Variants in SLC4A9 observed in about 807,000 individuals in gnomAD.
SLC4A9 encodes solute carrier family 4 member 9.
In SLC4A9, 102 loss-of-function variants were observed where a neutral mutation model predicts 103.2. That is an observed-to-expected ratio of 0.99 (90% CI 0.84 to 1.17). The LOEUF (loss-of-function observed/expected upper bound fraction) is 1.17, where lower values mean the gene tolerates loss of function less well. Ranked by LOEUF, SLC4A9 falls within the 50% of genes most tolerant of loss-of-function variation. The pLI is 0.00. For synonymous variants in SLC4A9, 453 were observed against 483.6 expected (o/e 0.94, Z 0.83); for missense variants, 1,091 against 1,193.7 (o/e 0.91, Z 1.27).
At chr5:140,367,397 G>A (rs1418500473) in intron 14 of SLC4A9, 23 bp from the exon 15 acceptor site, 1 of 1,608,258 alleles carries the variant, frequency 6.2e-7, no homozygotes, top group Non-Finnish European at 8.5e-7. Context: ...ACTCCAACCT[G>A]TCCATGAAAT....
intron 18 of SLC4A9, 47 bp from the exon 19 acceptor site, chr5:140,371,404 T>C (rs1413034482): frequency 6.2e-7 from 1 of 1,608,248 alleles, no homozygotes; most frequent in Non-Finnish European, 8.5e-7. Context: ...CACCCTCCTA[T>C]CAGGCTACCT....
In SLC4A9 at chr5:140,368,543, A is replaced by T. The variant is rs753391569; in HGVS notation, c.2355-44A>T. ...CCAGGATCTCCAGTCTGGATACCCC[A>T]GGGACTCTCCCAGACCTCAGCTAAC... On this transcript the variant is annotated intron_variant, in intron 16 of 21. Coordinates refer to ENST00000506757, the MANE Select transcript of SLC4A9 (RefSeq NM_031467.3). 3.2e-6 allele frequency: 5 copies of T among 1,569,088 alleles called. No homozygotes were observed. In the South Asian group the frequency reaches 4.5e-5, roughly 14 times the overall value.
chr5:140,363,117 G>A lies in SLC4A9; in HGVS notation c.962+51G>A. On this transcript the variant is annotated intron_variant, in intron 7 of 21. Transcript: ENST00000506757. The surrounding 1 kb of genome is among the most constrained non-coding windows in gnomAD (Gnocchi z 4.5). ...AGATTCCTGCCCATATAGGCCCTGG[G>A]TCTAATTCCATTGTTGAGGAGGGGT... 18 of 1,585,574 alleles carry A rather than the reference G, an allele frequency of 1.1e-5. No homozygotes were observed. The highest frequency in any genetic ancestry group is 1.5e-5 in the Non-Finnish European group (18 of 1,171,798).
intron 10 of SLC4A9, 84 bp from the exon 11 acceptor site, chr5:140,364,279 T>C: frequency 1.9e-6 from 3 of 1,592,096 alleles, no homozygotes; most frequent in Non-Finnish European, 2.6e-6. Context: ...GAGCTATCTG[T>C]TTGGGTTGAG....
intron 18 of SLC4A9, 61 bp downstream of exon 18, chr5:140,371,224 G>GA: frequency 6.5e-7 from 1 of 1,544,962 alleles, no homozygotes; most frequent in Non-Finnish European, 8.8e-7. Flanking sequence ...AAACAAAAAA[G>GA]AACAAAATTA....
intron 19 of SLC4A9, 122 bp downstream of exon 19, chr5:140,371,746 G>A (rs1768762810): frequency 1.9e-5 from 22 of 1,168,546 alleles, no homozygotes; most frequent in Admixed American, 2.5e-5. Flanking sequence ...GCTCTCCCTG[G>A]TTGGGAATCC....
intron 19 of SLC4A9, among the ~76,000 whole-genome samples, chr5:140,371,954 G>C (rs1768790823): frequency 6.6e-6 from 1 of 152,188 alleles, no homozygotes; most frequent in Non-Finnish European, 1.5e-5. Context: ...GTGGCTTCTG[G>C]CCTTGTTCTT....
chr5:140,360,368 G>T lies in SLC4A9; in HGVS notation c.132G>T (p.Glu44Asp). Residue 44 changes from glutamate to aspartate, a missense_variant, in exon 1 of 22, where the codon GAG becomes GAT. Physicochemically the swap from Glu to Asp is conservative, Grantham distance 45. Coordinates refer to ENST00000506757, the MANE Select transcript of SLC4A9 (RefSeq NM_031467.3). ...GCCCTGATGGCCCCTCAGACACAGA[G>T]AGCAAGGAACTGGGAGTACCCAAAG... is the stretch of plus-strand genomic sequence containing the variant. ...GPSPDGPSDTESKELGVPKDP... is the reference protein window; with the variant it reads ...GPSPDGPSDTDSKELGVPKDP... 1 of 1,609,752 alleles carries T rather than the reference G, an allele frequency of 6.2e-7. No homozygotes were observed. Among genetic ancestry groups the T allele is most frequent in the Non-Finnish European group, 8.5e-7 (1 of 1,177,970 alleles).
chr5:140,360,415 T>G lies in SLC4A9; in HGVS notation c.179T>G (p.Leu60Arg). Residue 60 changes from leucine to arginine, a missense_variant, in exon 1 of 22, where the codon CTG becomes CGG. Coordinates refer to ENST00000506757, the MANE Select transcript of SLC4A9 (RefSeq NM_031467.3). Reference sequence around the variant, plus strand: ...AAAGACCCTCTGCTCTTCATTCAGCTGAATGAGCTGCTGGGCTGGCCCCAG... The same window carrying G: ...AAAGACCCTCTGCTCTTCATTCAGCGGAATGAGCTGCTGGGCTGGCCCCAG... ...VPKDPLLFIQ[L>R]NELLGWPQAL... The G allele has an allele frequency of 6.3e-7, 1 of 1,597,558 alleles. No homozygotes were observed. Among genetic ancestry groups the G allele is most frequent in the South Asian group, 1.1e-5 (1 of 88,172 alleles).
rs376935870 is a variant in SLC4A9, at chr5:140,365,509, C to T, written c.1652-11C>T. 23 of 1,606,410 alleles carry T rather than the reference C, an allele frequency of 1.4e-5. No individual in the cohort carries two copies. The highest frequency in any genetic ancestry group is 1.6e-4 in the Middle Eastern group (1 of 6,074). On this transcript the variant is annotated splice_polypyrimidine_tract_variant and intron_variant, in intron 11 of 21. Transcript: ENST00000506757. Reference sequence around the variant, plus strand: ...AGGGAACATACATCTGAATTCTTCTCTGCTTCCCAGGAAATGAGTCTCAAT... The same window carrying T: ...AGGGAACATACATCTGAATTCTTCTTTGCTTCCCAGGAAATGAGTCTCAAT...
intron 17 of SLC4A9, among the ~76,000 whole-genome samples, chr5:140,370,464 C>CA (rs397976586): frequency 0.035 from 3,187 of 90,570 alleles, 91 homozygotes; most frequent in African/African-American, 0.096. Context: ...AACTCCACCT[C>CA]AAAAAAAAAA....
intron 12 of SLC4A9, 62 bp from the exon 13 acceptor site, chr5:140,365,772 C>A: frequency 6.4e-7 from 1 of 1,555,058 alleles, no homozygotes; most frequent in Non-Finnish European, 8.7e-7. Flanking sequence ...TGAAGTTGGT[C>A]CAGGAGAGCA....
At position 140,367,466 on chromosome 5, in the gene SLC4A9, AC is replaced by A; in HGVS notation, c.2064del (p.Trp689GlyfsTer52). 1.9e-6 allele frequency: 3 copies of A among 1,609,274 alleles called. No homozygotes were observed. Among genetic ancestry groups the A allele is most frequent in the Non-Finnish European group, 2.5e-6 (3 of 1,178,216 alleles). On this transcript the variant is annotated frameshift_variant, in exon 15 of 22. Transcript: ENST00000506757. LOFTEE classifies it high-confidence loss of function. ...TGGCTGGTGTCACCTTTTGGAGCCAACCCCTGGTGGTGGAGTGTGGCAGCTG... is the reference window on the plus strand; with the variant it reads ...TGGCTGGTGTCACCTTTTGGAGCCAACCCTGGTGGTGGAGTGTGGCAGCTG... ...RGWLVSPFGA[N>X]PWWWSVAAAL...
chr5:140,360,638 T>G, intron 1 of SLC4A9, 172 bp downstream of exon 1: 1 of 1,183,878 alleles, frequency 8.4e-7, no homozygotes, highest in Non-Finnish European at 1.2e-6. Context: ...TGCAGTCTAG[T>G]TTTGAGATCC....
intron 3 of SLC4A9, 144 bp downstream of exon 3, chr5:140,361,511 ATGT>A: frequency 1.4e-6 from 1 of 705,850 alleles, no homozygotes; most frequent in Admixed American, 2.9e-5. Flanking sequence ...ACTGGTGGTA[ATGT>A]TGTGGGGAGA....
In SLC4A9 at chr5:140,362,531, C is replaced by G. The variant is rs200023654; in HGVS notation, c.806C>G (p.Pro269Arg). 2 of 1,613,854 alleles carry G rather than the reference C, an allele frequency of 1.2e-6. No individual in the cohort carries two copies. The highest frequency in any genetic ancestry group is 2.2e-5 in the South Asian group (2 of 91,086). The change falls in exon 6 of 22, where the codon CCG (proline) becomes CGG (arginine). Residue 269 changes from proline (P) to arginine (R), a missense_variant and splice_region_variant. Coordinates refer to ENST00000506757, the MANE Select transcript of SLC4A9 (RefSeq NM_031467.3). ...GCAGCAGCTGTCCTCCTCAGTGACC[C>G]GGTGAGCTGAGCAGGTGTGTGTGTG... ...GRAAAVLLSDPQFQWSVRRAS... is the reference protein window; with the variant it reads ...GRAAAVLLSDRQFQWSVRRAS...
Position 140,371,585 on chromosome 5 carries a change from A to T in SLC4A9, c.2631A>T (p.Ile877=). The T allele has an allele frequency of 6.2e-7, 1 of 1,614,012 alleles. No individual in the cohort carries two copies. Among genetic ancestry groups the T allele is most frequent in the African/African-American group, 1.3e-5 (1 of 75,038 alleles). ...IQLACLGLLW[I]IKSTPAAIIF... is the part of the protein sequence containing the mutation. ...TTGCCTGTCTGGGGCTGCTTTGGAT[A>T]ATCAAGTCTACCCCTGCAGCCATCA... is the stretch of plus-strand genomic sequence containing the variant. Residue 877 remains isoleucine, a synonymous_variant, in exon 19 of 22, where the codon ATA becomes ATT. Transcript: ENST00000506757.
intron 1 of SLC4A9, 106 bp from the exon 2 acceptor site, chr5:140,360,706 G>C (rs1420296480): frequency 1.3e-6 from 2 of 1,544,582 alleles, no homozygotes; most frequent in Non-Finnish European, 1.8e-6. Flanking sequence ...ACACCACTGG[G>C]CCCAGGATGC....
chr5:140,371,513 GC>G lies in SLC4A9; in HGVS notation c.2560del (p.Arg854GlyfsTer5), dbSNP rs773331120. ...AKHQPDLLLL[R>X]HVPLTRVHLF... is the part of the protein sequence containing the mutation. ...AACACCAGCCAGACCTGCTACTCTT[GC>G]GGCATGTGCCTCTGACCAGGGTCCA... On this transcript the variant is annotated frameshift_variant, in exon 19 of 22. Transcript: ENST00000506757. LOFTEE classifies it high-confidence loss of function. 15 of 1,613,900 alleles carry G rather than the reference GC, an allele frequency of 9.3e-6. No homozygotes were observed. The highest frequency in any genetic ancestry group is 1.1e-5 in the Non-Finnish European group (13 of 1,179,906).
Sources: gnomAD v4.1 joint callset for allele counts (sites outside exome capture counted in the v4.1 genomes callset) on GRCh38, gnomAD v4.1.1 for gene constraint, Gnocchi (gnomAD v3.1) non-coding constraint, MANE v1.5 for transcripts, NCBI Gene and HGNC (gene_info 2026-07-23, HGNC 2026-07-21) for gene names.